The following ACTR3C variants were observed in gnomAD, a reference collection of about 807,000 sequenced individuals.
The protein encoded by ACTR3C is actin related protein 3C, also known as actin-related protein 3C.
Under a neutral mutation model 26.3 loss-of-function variants are expected in ACTR3C, and 18 were observed. That is an observed-to-expected ratio of 0.68 (90% CI 0.47 to 1.01). ACTR3C has a LOEUF of 1.01. ACTR3C is among the 50% of genes least tolerant of loss of function. The probability of loss-of-function intolerance (pLI) is 0.00; values close to 1 mark genes in which losing one functional copy is unlikely to be tolerated. For missense variants in ACTR3C, 184 were observed against 250.7 expected, an observed-to-expected ratio of 0.73 and a Z score of 1.80; for synonymous variants, 55 against 94.5, an observed-to-expected ratio of 0.58 and a Z score of 2.42.
At chr7:150,111,081 C>T in the ACTR3C span, among the ~76,000 whole-genome samples, 47 of 147,672 alleles carry the variant, frequency 3.2e-4, no homozygotes, top group Non-Finnish European at 4.5e-4. Context: ...CTCACAGGTA[C>T]CCACATCCTC....
At chr7:150,223,441 A>G in the ACTR3C span, among the ~76,000 whole-genome samples, 4 of 151,852 alleles carry the variant, frequency 2.6e-5, no homozygotes, top group Non-Finnish European at 5.9e-5. Flanking sequence ...GATATGTGGA[A>G]GTGGAATTAT....
chr7:150,022,326 T>C, the ACTR3C span, among the ~76,000 whole-genome samples: 1 of 151,694 alleles, frequency 6.6e-6, no homozygotes, highest in African/African-American at 2.4e-5. Context: ...ATTTGTTTTT[T>C]TCTTGCTGAT....
the ACTR3C span, chr7:149,881,755 T>C: frequency 1.3e-5 from 2 of 152,488 alleles, no homozygotes; most frequent in Admixed American, 6.6e-5. Flanking sequence ...TGGGTGAAGG[T>C]GGCCTGTGGA....
chr7:149,906,164 A>G, the ACTR3C span, among the ~76,000 whole-genome samples: 1 of 152,184 alleles, frequency 6.6e-6, no homozygotes, highest in African/African-American at 2.4e-5. Flanking sequence ...ATGTGATACC[A>G]TATTGGAAAT....
chr7:150,132,456 C>A, the ACTR3C span, among the ~76,000 whole-genome samples: 1 of 152,160 alleles, frequency 6.6e-6, no homozygotes, highest in African/African-American at 2.4e-5. Flanking sequence ...TATGAACAGA[C>A]ACGTCTCAAA....
the ACTR3C span, among the ~76,000 whole-genome samples, chr7:150,199,635 AAAATAAAAAAAAAT>A: frequency 6.2e-5 from 8 of 128,866 alleles, no homozygotes; most frequent in Non-Finnish European, 1.2e-4. Flanking sequence ...AAAATAAATA[AAAATAAAAAAAAAT>A]AAATAAAAAA....
At chr7:150,189,014 C>A in the ACTR3C span, among the ~76,000 whole-genome samples, 1 of 150,958 alleles carries the variant, frequency 6.6e-6, no homozygotes, top group Non-Finnish European at 1.5e-5. Context: ...CATGAGTTCA[C>A]ACGGATACCA....
the ACTR3C span, among the ~76,000 whole-genome samples, chr7:149,916,888 T>C: frequency 6.6e-6 from 1 of 152,144 alleles, no homozygotes; most frequent in African/African-American, 2.4e-5. Context: ...CATAAAGCAC[T>C]ACCAATAGTT....
chr7:150,142,682 C>T, the ACTR3C span, among the ~76,000 whole-genome samples: 7 of 151,660 alleles, frequency 4.6e-5, no homozygotes, highest in African/African-American at 1.7e-4. Flanking sequence ...ACGCCCACCA[C>T]CACACCCAGC....
the ACTR3C span, among the ~76,000 whole-genome samples, chr7:150,079,064 T>C: frequency 0.2 from 30,182 of 152,062 alleles, 3,293 homozygotes; most frequent in African/African-American, 0.29. Flanking sequence ...TAACTGGCCC[T>C]GGTTTGGGAT....
chr7:150,305,770 G>A (rs10952249), intron 1 of ACTR3C, among the ~76,000 whole-genome samples: 36,319 of 151,926 alleles, frequency 0.24, 4,778 homozygotes, highest in East Asian at 0.42. Flanking sequence ...CTGAGTCTCT[G>A]CACCTCCTTG....
At chr7:149,901,103 T>C in the ACTR3C span, among the ~76,000 whole-genome samples, 1 of 152,222 alleles carries the variant, frequency 6.6e-6, no homozygotes, top group Non-Finnish European at 1.5e-5. Flanking sequence ...TGTAGCACCG[T>C]CAGTTTAAAT....
the ACTR3C span, among the ~76,000 whole-genome samples, chr7:150,169,960 T>C: frequency 2.4e-4 from 36 of 150,314 alleles, no homozygotes; most frequent in Non-Finnish European, 4.4e-4. Context: ...GTAGTTCTTA[T>C]TGTATAACAA....
chr7:150,039,691 T>A, the ACTR3C span, among the ~76,000 whole-genome samples: 2 of 93,076 alleles, frequency 2.1e-5, no homozygotes, highest in African/African-American at 7.0e-5. Context: ...TGGGGGGTCC[T>A]AAGCCGGGGG....
chr7:149,925,309 T>C, the ACTR3C span, among the ~76,000 whole-genome samples: 1 of 152,186 alleles, frequency 6.6e-6, no homozygotes, highest in African/African-American at 2.4e-5. Flanking sequence ...TTAAGTTTAA[T>C]AAAATCCCAA....
At chr7:150,265,019 T>C (rs551725525) in intron 6 of ACTR3C, 32 of 250,904 alleles carry the variant, frequency 1.3e-4, no homozygotes, top group African/African-American at 7.6e-4. Flanking sequence ...GGCTCTGTAA[T>C]AATTTTTACC....
At chr7:150,183,719 A>T in the ACTR3C span, among the ~76,000 whole-genome samples, 1 of 145,588 alleles carries the variant, frequency 6.9e-6, no homozygotes, top group Non-Finnish European at 1.5e-5. Flanking sequence ...AAAAAAAAAA[A>T]GCTTATCTGT....
chr7:150,144,967 G>A, the ACTR3C span, among the ~76,000 whole-genome samples: 19 of 151,076 alleles, frequency 1.3e-4, no homozygotes, highest in South Asian at 3.6e-3. This position sits in a 1 kb window ranked among gnomAD's most constrained non-coding sequence, Gnocchi z 4.6. Context: ...GGAGAATTGC[G>A]TGAAGTTGGG....
At chr7:149,962,338 A>T in the ACTR3C span, among the ~76,000 whole-genome samples, 1 of 152,188 alleles carries the variant, frequency 6.6e-6, no homozygotes, top group Non-Finnish European at 1.5e-5. Flanking sequence ...CAGAGGAAGC[A>T]TGCAGGGCCA....
Sources: allele counts gnomAD v4.1 joint callset (sites outside exome capture counted in the v4.1 genomes callset), GRCh38; gene constraint gnomAD v4.1.1; non-coding constraint Gnocchi (gnomAD v3.1); transcripts MANE v1.5; gene names NCBI Gene and HGNC (gene_info 2026-07-23, HGNC 2026-07-21).